The following CASK variants were observed in gnomAD, a reference collection of about 807,000 sequenced individuals.
The protein encoded by CASK is peripheral plasma membrane protein CASK.
A neutral mutation model predicts 82.9 loss-of-function variants in CASK; 4 were observed. The ratio of observed to expected loss-of-function variants is 0.05; its 90% CI spans 0.02 to 0.11. The LOEUF is 0.11. Among genes scored for constraint, CASK ranks in the 10% least tolerant of loss-of-function variants. The pLI is 1.00. For missense variants in CASK, 358 were observed against 720.9 expected, an observed-to-expected ratio of 0.50 and a Z score of 5.76; for synonymous variants, 259 against 253.5, an observed-to-expected ratio of 1.02 and a Z score of -0.20.
chrX:41,703,886 G>A (rs1427796945), intron 5 of CASK, among the ~76,000 whole-genome samples: 1 of 111,612 alleles, frequency 9.0e-6, no homozygotes, highest in African/African-American at 3.3e-5. Flanking sequence ...ACTAATTTTT[G>A]CCAATCTGGT....
chrX:41,875,899 G>A (rs967342050), intron 1 of CASK, among the ~76,000 whole-genome samples: 5 of 111,563 alleles, frequency 4.5e-5, no homozygotes, highest in African/African-American at 1.6e-4. Context: ...TGATCAAGGA[G>A]CTGGCTTAGT....
At chrX:41,850,048 C>T (rs188724460) in intron 2 of CASK, among the ~76,000 whole-genome samples, 47 of 111,287 alleles carry the variant, frequency 4.2e-4, no homozygotes, top group African/African-American at 1.4e-3. Flanking sequence ...TGTGTGGTGG[C>T]GCATGCCTGT....
intron 1 of CASK, among the ~76,000 whole-genome samples, chrX:41,888,787 G>GTGTATATATATGTATATATACATGTATA (rs1013437042): frequency 5.6e-4 from 58 of 102,744 alleles, no homozygotes; most frequent in African/African-American, 1.9e-3. Flanking sequence ...ATACATGTAT[G>GTGTATATATATGTATATATACATGTATA]TGTATATATA....
intron 12 of CASK, among the ~76,000 whole-genome samples, chrX:41,598,072 G>A (rs1268858524): frequency 9.1e-6 from 1 of 109,392 alleles, no homozygotes; most frequent in Non-Finnish European, 1.9e-5. Flanking sequence ...CTGGAAGGTC[G>A]AAGTTGCAAT....
intron 9 of CASK, among the ~76,000 whole-genome samples, chrX:41,628,296 T>A (rs1262501860): frequency 1.8e-5 from 2 of 112,186 alleles, no homozygotes; most frequent in African/African-American, 3.2e-5. Context: ...TATCTGCTAA[T>A]ATGAGAACAT....
chrX:41,818,129 A>T (rs1433816310), intron 2 of CASK, among the ~76,000 whole-genome samples: 1 of 101,405 alleles, frequency 9.9e-6, no homozygotes, highest in African/African-American at 3.7e-5. Flanking sequence ...TCCCAATAAA[A>T]ATCCCAGGAG....
intron 3 of CASK, among the ~76,000 whole-genome samples, chrX:41,746,597 A>G (rs1314029069): frequency 8.9e-6 from 1 of 111,836 alleles, no homozygotes; most frequent in African/African-American, 3.3e-5. Flanking sequence ...TTAACAGCTA[A>G]CATTTTCATA....
At chrX:41,731,584 T>C (rs1474440012) in intron 5 of CASK, among the ~76,000 whole-genome samples, 1 of 112,228 alleles carries the variant, frequency 8.9e-6, no homozygotes, top group Non-Finnish European at 1.9e-5. Context: ...AAGTTACTCA[T>C]TCTGATAAAC....
intron 2 of CASK, among the ~76,000 whole-genome samples, chrX:41,799,121 A>T (rs2069934422): frequency 8.9e-6 from 1 of 112,748 alleles, no homozygotes; most frequent in African/African-American, 3.2e-5. Context: ...CTTTCAAAAA[A>T]ATCTTAGGTT....
At chrX:41,679,121 T>G (rs2067312267) in intron 5 of CASK, among the ~76,000 whole-genome samples, 1 of 111,041 alleles carries the variant, frequency 9.0e-6, no homozygotes, top group Non-Finnish European at 1.9e-5. Flanking sequence ...AAAAATAAAG[T>G]TATGCTTAAG....
intron 21 of CASK, 123 bp from the exon 22 acceptor site, chrX:41,542,929 A>G: frequency 2.1e-6 from 1 of 467,463 alleles, no homozygotes; most frequent in Admixed American, 3.9e-5. Flanking sequence ...CTAATCTTTT[A>G]AAAAATTTGG....
At chrX:41,626,542 G>T in intron 10 of CASK, 62 bp downstream of exon 10, 1 of 695,292 alleles carries the variant, frequency 1.4e-6, no homozygotes, top group Non-Finnish European at 2.3e-6. Context: ...ATTCACAATG[G>T]GAGAGAATGG....
chrX:41,570,480 C>T (rs1157429074), intron 15 of CASK, among the ~76,000 whole-genome samples: 2 of 111,724 alleles, frequency 1.8e-5, no homozygotes, highest in African/African-American at 3.3e-5. Flanking sequence ...ACTATGGCCA[C>T]AATCAGGATA....
At chrX:41,871,266 AT>A (rs1213700792) in intron 1 of CASK, among the ~76,000 whole-genome samples, 9 of 111,051 alleles carry the variant, frequency 8.1e-5, no homozygotes, top group South Asian at 7.6e-4. Context: ...TACTTAGGTA[AT>A]TTTTTTTTAT....
chrX:41,612,847 C>T (rs1480466696), intron 11 of CASK, among the ~76,000 whole-genome samples: 1 of 96,135 alleles, frequency 1.0e-5, no homozygotes, highest in Non-Finnish European at 2.1e-5. Context: ...AGGAGCCCCT[C>T]TGCCTGGCCA....
intron 25 of CASK, chrX:41,524,252 A>G (rs2064680298): frequency 2.5e-6 from 1 of 405,259 alleles, no homozygotes; most frequent in Non-Finnish European, 4.3e-6. Flanking sequence ...AAGTTGGCAA[A>G]CTGGACATTT....
chrX:41,722,270 G>C (rs2068180328), intron 5 of CASK, among the ~76,000 whole-genome samples: 1 of 112,093 alleles, frequency 8.9e-6, no homozygotes, highest in Non-Finnish European at 1.9e-5. Context: ...ATGGCTCCCA[G>C]TGATCATCAC....
At position 41,878,991 on chromosome X, in the gene CASK, A is replaced by G. The variant is rs747403231; in HGVS notation, c.60-25764T>C. Among the ~76,000 whole-genome samples, 3 of 111,660 alleles carry G rather than the reference A, an allele frequency of 2.7e-5. No homozygotes were observed. In the East Asian group the frequency reaches 8.4e-4, roughly 31 times the overall value. ...TATCAAAGACAAAAATATGCTAATA[A>G]AATGATCTTACCTTATAGAAATTAA... On this transcript the variant is annotated intron_variant, in intron 1 of 26. Transcript: ENST00000378163.
At chrX:41,576,547 G>A (rs995122991) in intron 15 of CASK, among the ~76,000 whole-genome samples, 4 of 111,984 alleles carry the variant, frequency 3.6e-5, no homozygotes, top group African/African-American at 6.5e-5. Context: ...CCTGTGGAAC[G>A]TGAGCTCTAG....
Sources: allele counts gnomAD v4.1 joint callset (sites outside exome capture counted in the v4.1 genomes callset), GRCh38; gene constraint gnomAD v4.1.1; transcripts MANE v1.5; gene names NCBI Gene and HGNC (gene_info 2026-07-23, HGNC 2026-07-21).